SLC14A2: variants seen among roughly 807,000 people sequenced by gnomAD.
SLC14A2 encodes the protein solute carrier family 14 member 2, also known as urea transporter 2.
A neutral mutation model predicts 104.6 loss-of-function variants in SLC14A2; 91 were observed. The ratio of observed to expected loss-of-function variants is 0.87; its 90% CI spans 0.73 to 1.04. The LOEUF is 1.04. SLC14A2 is among the 50% of genes least tolerant of loss of function. SLC14A2 has a pLI of 0.00. For missense variants in SLC14A2, 1,189 were observed against 1,156.0 expected, an observed-to-expected ratio of 1.03 and a Z score of -0.41; for synonymous variants, 476 against 466.4, an observed-to-expected ratio of 1.02 and a Z score of -0.27.
At chr18:45,565,795 T>G (rs2044258307) in intron 2 of SLC14A2, among the ~76,000 whole-genome samples, 1 of 152,108 alleles carries the variant, frequency 6.6e-6, no homozygotes, top group Admixed American at 6.5e-5. Context: ...GGAATGTCAG[T>G]TCCATCCTGT....
chr18:45,522,647 G>A (rs1249762633), intron 2 of SLC14A2, among the ~76,000 whole-genome samples: 1 of 152,118 alleles, frequency 6.6e-6, no homozygotes, highest in African/African-American at 2.4e-5. Context: ...CTTTCTTCAG[G>A]AAATTCCATT....
chr18:45,625,431 G>A (rs1295916223), intron 2 of SLC14A2, among the ~76,000 whole-genome samples: 3 of 152,138 alleles, frequency 2.0e-5, no homozygotes, highest in Non-Finnish European at 4.4e-5. Context: ...AAGCTCATGG[G>A]CTTCATTAAA....
At chr18:45,440,261 C>A (rs1051832642) in intron 1 of SLC14A2, 2 of 151,140 alleles carry the variant, frequency 1.3e-5, no homozygotes, top group Non-Finnish European at 2.9e-5. Flanking sequence ...GGACTAAATC[C>A]AGCAGTGTTG....
At position 45,680,508 on chromosome 18, in the gene SLC14A2, A is replaced by T. The variant is rs1305325051; in HGVS notation, c.2562+1484A>T. On this transcript the variant is annotated intron_variant, in intron 19 of 19. Coordinates refer to ENST00000255226, the MANE Select transcript of SLC14A2 (RefSeq NM_007163.4). ...CAATGTCATCGAGGAACAGGAAATA[A>T]AAATGTTGAATGACATTTATGGGAC... 2.0e-5 allele frequency among the ~76,000 whole-genome samples: 3 copies of T among 152,214 alleles called. No individual in the cohort carries two copies. The East Asian group carries it at 5.8e-4, about 29-fold the overall frequency.
intron 10 of SLC14A2, among the ~76,000 whole-genome samples, chr18:45,651,928 T>G (rs1427733258): frequency 6.6e-6 from 1 of 152,234 alleles, no homozygotes; most frequent in African/African-American, 2.4e-5. Flanking sequence ...TCCTTGGCAT[T>G]GACTTTCTCC....
In SLC14A2 at chr18:45,672,826, C is replaced by G. The variant is rs2046163523; in HGVS notation, c.2230-74C>G. On this transcript the variant is annotated intron_variant, in intron 16 of 19. Coordinates refer to ENST00000255226, the MANE Select transcript of SLC14A2 (RefSeq NM_007163.4). The stretch of plus-strand genomic sequence containing the variant: ...AATGTTAGTGGGAAGGGTTCAGTGC[C>G]AAGTCTCTTGCAGCCAAGGTCAAGT... 3.5e-6 allele frequency: 5 copies of G among 1,433,868 alleles called. No homozygotes were observed. The South Asian group carries it at 6.9e-5, about 20-fold the overall frequency. 88.8% of individuals were successfully genotyped at this position (1,433,868 alleles called of 1,614,324 possible).
chr18:45,313,151 G>A (rs1338823834), intron 1 of SLC14A2, among the ~76,000 whole-genome samples: 1 of 152,164 alleles, frequency 6.6e-6, no homozygotes, highest in Non-Finnish European at 1.5e-5. Flanking sequence ...CAAACCGGAT[G>A]GCATCCATAC....
intron 11 of SLC14A2, among the ~76,000 whole-genome samples, chr18:45,664,636 T>G (rs969162693): frequency 5.9e-5 from 9 of 152,216 alleles, no homozygotes; most frequent in Non-Finnish European, 1.3e-4. Flanking sequence ...ACTCCCAAGT[T>G]AGTGCAACAT....
chr18:45,323,831 T>C (rs1318169072), intron 1 of SLC14A2, among the ~76,000 whole-genome samples: 1 of 152,182 alleles, frequency 6.6e-6, no homozygotes, highest in African/African-American at 2.4e-5. Flanking sequence ...AGACCAAAAA[T>C]GCATCCTGTT....
At chr18:45,340,418 T>C (rs187826045) in intron 1 of SLC14A2, among the ~76,000 whole-genome samples, 26 of 152,352 alleles carry the variant, frequency 1.7e-4, no homozygotes, top group East Asian at 7.7e-4. Context: ...ATAGCTGCCA[T>C]ACTTTTATTC....
At chr18:45,277,122 T>C (rs16978321) in intron 1 of SLC14A2, among the ~76,000 whole-genome samples, 10,690 of 152,302 alleles carry the variant, frequency 0.07, 741 homozygotes, top group East Asian at 0.19. Context: ...AGATTGACAC[T>C]TAGCACTTGA....
chr18:45,328,253 G>T (rs1471052974), intron 1 of SLC14A2, among the ~76,000 whole-genome samples: 1 of 152,140 alleles, frequency 6.6e-6, no homozygotes, highest in African/African-American at 2.4e-5. Flanking sequence ...TGTCTGCAGA[G>T]CAAAAAGGAA....
intron 1 of SLC14A2, among the ~76,000 whole-genome samples, chr18:45,250,600 G>A (rs184725451): frequency 3.9e-5 from 6 of 152,074 alleles, no homozygotes; most frequent in African/African-American, 1.4e-4. Context: ...TGTCTCCAGA[G>A]CTCTATCTGG....
At chr18:45,667,122 C>T (rs948142323) in intron 13 of SLC14A2, 28 bp downstream of exon 13, 1 of 1,591,742 alleles carries the variant, frequency 6.3e-7, no homozygotes. Flanking sequence ...CAACACTGAC[C>T]CTGACCCTAA....
intron 2 of SLC14A2, among the ~76,000 whole-genome samples, chr18:45,540,755 CAAT>C (rs751389092): frequency 1.3e-5 from 2 of 151,860 alleles, no homozygotes; most frequent in African/African-American, 2.4e-5. Flanking sequence ...AAATTAATAA[CAAT>C]AATAATAATA....
At chr18:45,329,934 G>A (rs1188537842) in intron 1 of SLC14A2, among the ~76,000 whole-genome samples, 1 of 152,098 alleles carries the variant, frequency 6.6e-6, no homozygotes, top group African/African-American at 2.4e-5. Flanking sequence ...TATCATCCTT[G>A]CTATCATGGG....
chr18:45,500,389 A>G (rs920463549), intron 2 of SLC14A2, among the ~76,000 whole-genome samples: 1 of 152,070 alleles, frequency 6.6e-6, no homozygotes. Context: ...CATCCTGGCT[A>G]ACACGGTGAA....
chr18:45,392,909 C>T (rs925582341), intron 1 of SLC14A2, among the ~76,000 whole-genome samples: 3 of 152,216 alleles, frequency 2.0e-5, no homozygotes, highest in Admixed American at 6.5e-5. Flanking sequence ...TTTGACTGGA[C>T]TCCCTGTCCA....
chr18:45,611,258 C>G (rs931957110), upstream of SLC14A2, among the ~76,000 whole-genome samples: 1 of 152,224 alleles, frequency 6.6e-6, no homozygotes, highest in African/African-American at 2.4e-5. Context: ...AGGACAGCAT[C>G]TGATGGTATC....
Sources: gnomAD v4.1 joint callset for allele counts (sites outside exome capture counted in the v4.1 genomes callset) on GRCh38, gnomAD v4.1.1 for gene constraint, MANE v1.5 for transcripts, NCBI Gene and HGNC (gene_info 2026-07-23, HGNC 2026-07-21) for gene names.